The following RASSF3 variants were observed in gnomAD, a reference collection of about 807,000 sequenced individuals.
RASSF3 encodes the protein Ras association domain family member 3.
A neutral mutation model predicts 19.9 loss-of-function variants in RASSF3; 19 were observed. The ratio of observed to expected loss-of-function variants is 0.96; its 90% CI spans 0.67 to 1.40. The LOEUF (loss-of-function observed/expected upper bound fraction) is 1.40, where lower values mean the gene tolerates loss of function less well. Ranked by LOEUF, RASSF3 falls within the 40% of genes most tolerant of loss-of-function variation. The pLI is 0.00. For missense variants in RASSF3, 306 were observed against 289.8 expected, an observed-to-expected ratio of 1.06 and a Z score of -0.41; for synonymous variants, 110 against 104.2, an observed-to-expected ratio of 1.06 and a Z score of -0.34.
At chr12:64,526,284 T>C (rs988335293) in intron 1 of RASSF3, among the ~76,000 whole-genome samples, 31 of 152,228 alleles carry the variant, frequency 2.0e-4, no homozygotes, top group African/African-American at 7.0e-4. Flanking sequence ...CATTAATATA[T>C]GCATTGTCTC....
chr12:64,685,513 G>T (rs1433397998), intron 2 of RASSF3, among the ~76,000 whole-genome samples: 5 of 152,100 alleles, frequency 3.3e-5, no homozygotes, highest in Admixed American at 3.3e-4. Context: ...CCAAAGTGCT[G>T]GGATTACAGG....
chr12:64,673,932 C>A lies in RASSF3; in HGVS notation c.112-10855C>A, dbSNP rs192782868. The stretch of plus-strand genomic sequence containing the variant: ...TCCAAACAAATGAGTGGCTGTTTGA[C>A]TGTTGGCACACTACCCAGTTTTAAA... On this transcript the variant is annotated intron_variant, in intron 1 of 4. Coordinates refer to ENST00000542104, the MANE Select transcript of RASSF3 (RefSeq NM_178169.4). 6.2e-3 allele frequency among the ~76,000 whole-genome samples: 936 copies of A among 152,054 alleles called. 43 individuals are homozygous for A. Among genetic ancestry groups the A allele is most frequent in the Admixed American group, 0.058 (885 of 15,230 alleles).
chr12:64,543,016 A>G (rs1338537598), downstream of RASSF3, among the ~76,000 whole-genome samples: 1 of 123,794 alleles, frequency 8.1e-6, no homozygotes, highest in South Asian at 2.8e-4. Context: ...CCGCACTTGG[A>G]GTGGCGGGCC....
chr12:64,541,913 A>G (rs553710216), downstream of RASSF3, among the ~76,000 whole-genome samples: 3 of 152,188 alleles, frequency 2.0e-5, no homozygotes, highest in African/African-American at 7.2e-5. Context: ...AATAAGATAG[A>G]GTATATCAGT....
downstream of RASSF3, among the ~76,000 whole-genome samples, chr12:64,545,189 G>A (rs1869033238): frequency 6.6e-6 from 1 of 152,190 alleles, no homozygotes; most frequent in Admixed American, 6.5e-5. Context: ...TAATTTAATA[G>A]GATGACTTGG....
At chr12:64,686,083 G>A (rs1312797487) in intron 2 of RASSF3, among the ~76,000 whole-genome samples, 1 of 152,202 alleles carries the variant, frequency 6.6e-6, no homozygotes, top group Non-Finnish European at 1.5e-5. Context: ...AAAAAGAGGG[G>A]AGAGGAGCAG....
chr12:64,618,910 A>C (rs933012214), intron 1 of RASSF3, among the ~76,000 whole-genome samples: 2 of 152,118 alleles, frequency 1.3e-5, no homozygotes, highest in African/African-American at 4.8e-5. Context: ...ATGTACCCTA[A>C]AACTTAAAGT....
In RASSF3 at chr12:64,569,834, G is replaced by A. The variant is rs1009462688; in HGVS notation, c.294+28129G>A. On this transcript the variant is annotated intron_variant, in intron 2 of 5. Transcript: ENST00000637125. ...TACAAAATTAGCCAGGCATGGTGGC[G>A]CATGCCTGTAATCCCAGCTACTTGG... 5.9e-5 allele frequency among the ~76,000 whole-genome samples: 9 copies of A among 152,218 alleles called. No individual in the cohort carries two copies. In the South Asian group the frequency reaches 6.2e-4, roughly 11 times the overall value.
intron 1 of RASSF3, among the ~76,000 whole-genome samples, chr12:64,519,517 C>T (rs546723083): frequency 9.9e-5 from 15 of 152,092 alleles, no homozygotes; most frequent in Non-Finnish European, 1.5e-4. Flanking sequence ...GTCGATATGT[C>T]GTTACTTTAC....
intron 1 of RASSF3, among the ~76,000 whole-genome samples, chr12:64,619,405 A>G (rs1046998746): frequency 4.6e-5 from 7 of 152,154 alleles, no homozygotes; most frequent in African/African-American, 1.7e-4. Context: ...CTTCAGTTTA[A>G]GGACAGAAGA....
intron 1 of RASSF3, among the ~76,000 whole-genome samples, chr12:64,660,084 A>G (rs1201480656): frequency 2.0e-5 from 3 of 151,784 alleles, no homozygotes; most frequent in Admixed American, 2.0e-4. Context: ...ATGTATATAT[A>G]TATACACATA....
intron 1 of RASSF3, among the ~76,000 whole-genome samples, chr12:64,537,783 A>T (rs1008958444): frequency 6.6e-6 from 1 of 152,238 alleles, no homozygotes; most frequent in Non-Finnish European, 1.5e-5. Flanking sequence ...TAAGGCTGCC[A>T]TAACAAAATA....
intron 1 of RASSF3, 42 bp downstream of exon 1, chr12:64,610,785 T>G: frequency 7.2e-7 from 1 of 1,384,752 alleles, no homozygotes; most frequent in Non-Finnish European, 1.0e-6. Flanking sequence ...CGCCCCAGAG[T>G]TCCGGGGAAC....
rs566413790 is a variant in RASSF3, at chr12:64,657,011, C to CTT, written c.112-27761_112-27760dup. On this transcript the variant is annotated intron_variant, in intron 1 of 4. Coordinates refer to ENST00000542104, the MANE Select transcript of RASSF3 (RefSeq NM_178169.4). ...GAGTCAGTGTTTAATAGTATAGTTT[C>CTT]TTTTTTTTTTTTTTTTCAGACAGAG... 1.5e-3 allele frequency among the ~76,000 whole-genome samples: 201 copies of CTT among 135,736 alleles called. 2 individuals are homozygous for CTT. The highest frequency in any genetic ancestry group is 1.9e-3 in the East Asian group (9 of 4,702). 89.0% of individuals were successfully genotyped at this position (135,736 alleles called of 152,430 possible). A position where few individuals can be genotyped will look rare whatever the true frequency, so the allele number is the denominator to read the frequency against.
intron 1 of RASSF3, among the ~76,000 whole-genome samples, chr12:64,651,633 T>C (rs1459850580): frequency 6.6e-6 from 1 of 151,644 alleles, no homozygotes; most frequent in Non-Finnish European, 1.5e-5. Flanking sequence ...GTGCTGGGAT[T>C]ACAGGCATAA....
intron 2 of RASSF3, among the ~76,000 whole-genome samples, chr12:64,603,925 G>A (rs961121086): frequency 6.6e-5 from 10 of 151,980 alleles, no homozygotes; most frequent in Admixed American, 2.0e-4. Context: ...TTGGCTCACT[G>A]CAATGTCTGC....
chr12:64,654,013 A>G (rs1031846043), intron 1 of RASSF3: 1 of 152,160 alleles, frequency 6.6e-6, no homozygotes, highest in East Asian at 1.9e-4. Context: ...TCTGGTTTGG[A>G]AAAGGATGAT....
chr12:64,514,188 CTT>C (rs138925359), intron 1 of RASSF3, among the ~76,000 whole-genome samples: 69 of 77,992 alleles, frequency 8.8e-4, no homozygotes, highest in African/African-American at 4.3e-3. Context: ...CGCTCAGCCT[CTT>C]TTTTTTTTTT....
At chr12:64,542,313 C>CA (rs1257866287), downstream of RASSF3, among the ~76,000 whole-genome samples, 1 of 152,102 alleles carries the variant, frequency 6.6e-6, no homozygotes, top group Admixed American at 6.6e-5. Flanking sequence ...GCCTAAGTGA[C>CA]AGAGTAAGAT....
Sources: allele counts gnomAD v4.1 joint callset (sites outside exome capture counted in the v4.1 genomes callset), GRCh38; gene constraint gnomAD v4.1.1; transcripts MANE v1.5; gene names NCBI Gene and HGNC (gene_info 2026-07-23, HGNC 2026-07-21).